Variants in PTPRD observed in about 807,000 individuals in gnomAD.
PTPRD encodes the protein receptor-type tyrosine-protein phosphatase delta.
Under a neutral mutation model 214.5 loss-of-function variants are expected in PTPRD, and 34 were observed. The observed-to-expected ratio is 0.16, with a 90% confidence interval of 0.12 to 0.21. The LOEUF (loss-of-function observed/expected upper bound fraction) is 0.21, where lower values mean the gene tolerates loss of function less well. Among genes scored for constraint, PTPRD ranks in the 10% least tolerant of loss-of-function variants. PTPRD has a pLI of 1.00. For synonymous variants in PTPRD, 1,128 were observed against 845.7 expected (o/e 1.33, Z -5.79); for missense variants, 2,545 against 2,398.7 (o/e 1.06, Z -1.27).
chr9:9,496,884 G>T (rs537387631), intron 8 of PTPRD, among the ~76,000 whole-genome samples: 1 of 152,216 alleles, frequency 6.6e-6, no homozygotes, highest in East Asian at 1.9e-4. Context: ...GTAAAACGTG[G>T]TTTATACATA....
chr9:8,470,943 T>C, intron 31 of PTPRD, 52 bp downstream of exon 31: 2 of 1,510,516 alleles, frequency 1.3e-6, no homozygotes, highest in Non-Finnish European at 1.8e-6. Flanking sequence ...GGGGCGGAAA[T>C]GCAGCAGATT....
intron 2 of PTPRD, among the ~76,000 whole-genome samples, chr9:10,567,266 CAAAATG>C (rs969021718): frequency 2.3e-4 from 35 of 151,746 alleles, no homozygotes; most frequent in Non-Finnish European, 4.4e-5. Flanking sequence ...ACTGTGGTCA[CAAAATG>C]AAAATGAAAT....
chr9:9,740,969 A>AAC (rs1212526422), intron 6 of PTPRD, among the ~76,000 whole-genome samples: 3 of 152,190 alleles, frequency 2.0e-5, no homozygotes, highest in Non-Finnish European at 2.9e-5. Context: ...GATATAACCC[A>AAC]ACATTGGAAA....
At chr9:9,320,506 T>C (rs750881763) in intron 9 of PTPRD, among the ~76,000 whole-genome samples, 1 of 151,698 alleles carries the variant, frequency 6.6e-6, no homozygotes, top group Non-Finnish European at 1.5e-5. Context: ...GATTGGGGAG[T>C]CCTCCTGGTC....
intron 10 of PTPRD, among the ~76,000 whole-genome samples, chr9:9,117,145 G>A (rs1047680460): frequency 6.6e-6 from 1 of 151,720 alleles, no homozygotes; most frequent in African/African-American, 2.4e-5. Flanking sequence ...TGAGCTTGTT[G>A]AATTTTTAGC....
At chr9:9,349,353 A>G (rs1476545780) in intron 9 of PTPRD, among the ~76,000 whole-genome samples, 1 of 152,028 alleles carries the variant, frequency 6.6e-6, no homozygotes, top group African/African-American at 2.4e-5. Flanking sequence ...CCACACCTCC[A>G]ACCCCCATCT....
intron 11 of PTPRD, among the ~76,000 whole-genome samples, chr9:8,868,398 G>C (rs1053841052): frequency 6.6e-6 from 1 of 151,980 alleles, no homozygotes; most frequent in Non-Finnish European, 1.5e-5. Context: ...AGAAGGGGGT[G>C]TCACTATGTT....
intron 10 of PTPRD, among the ~76,000 whole-genome samples, chr9:9,127,635 A>T (rs955653845): frequency 6.6e-6 from 1 of 152,328 alleles, no homozygotes; most frequent in Middle Eastern, 3.4e-3. Context: ...TCTATACCAC[A>T]TTCAGATATA....
intron 9 of PTPRD, among the ~76,000 whole-genome samples, chr9:9,323,397 A>G (rs2136110868): frequency 6.6e-6 from 1 of 152,216 alleles, no homozygotes; most frequent in African/African-American, 2.4e-5. Flanking sequence ...AATTATCCTA[A>G]CCTTAAGGTT....
intron 11 of PTPRD, among the ~76,000 whole-genome samples, chr9:8,751,072 A>G (rs1180739546): frequency 1.3e-5 from 2 of 152,148 alleles, no homozygotes; most frequent in Non-Finnish European, 2.9e-5. Context: ...CAGTGATCCT[A>G]TGGCAGTCTC....
chr9:10,307,373 T>C (rs989957397), intron 3 of PTPRD, among the ~76,000 whole-genome samples: 4 of 152,082 alleles, frequency 2.6e-5, no homozygotes, highest in Admixed American at 2.0e-4. Context: ...ATGACCCACA[T>C]TTCCATCCAT....
At chr9:10,215,938 G>A (rs146671556) in intron 3 of PTPRD, among the ~76,000 whole-genome samples, 1 of 151,886 alleles carries the variant, frequency 6.6e-6, no homozygotes, top group South Asian at 2.1e-4. Flanking sequence ...ATAAATCAGA[G>A]GACAGACCTT....
At chr9:9,821,824 C>A (rs1478876232) in intron 5 of PTPRD, among the ~76,000 whole-genome samples, 1 of 151,566 alleles carries the variant, frequency 6.6e-6, no homozygotes, top group East Asian at 1.9e-4. Flanking sequence ...ATGCTTACAA[C>A]TTTTCACTTA....
At chr9:10,007,175 G>A (rs750294241) in intron 4 of PTPRD, among the ~76,000 whole-genome samples, 1 of 151,868 alleles carries the variant, frequency 6.6e-6, no homozygotes, top group Non-Finnish European at 1.5e-5. Context: ...TTCAAATGTA[G>A]GTGTTTATCT....
At chr9:8,956,424 A>G (rs2099132000) in intron 11 of PTPRD, among the ~76,000 whole-genome samples, 1 of 151,930 alleles carries the variant, frequency 6.6e-6, no homozygotes, top group African/African-American at 2.4e-5. Flanking sequence ...AAACAAATGA[A>G]GACATAATCT....
At chr9:8,357,912 A>G (rs1197350817) in intron 39 of PTPRD, among the ~76,000 whole-genome samples, 1 of 152,214 alleles carries the variant, frequency 6.6e-6, no homozygotes, top group African/African-American at 2.4e-5. Context: ...AATCTGGTCA[A>G]TAGCCTACTC....
intron 3 of PTPRD, among the ~76,000 whole-genome samples, chr9:10,069,017 A>G (rs1418127451): frequency 1.3e-5 from 2 of 151,984 alleles, no homozygotes; most frequent in African/African-American, 2.4e-5. Context: ...CTTCAGCAAA[A>G]TTAGTTCTTT....
intron 9 of PTPRD, among the ~76,000 whole-genome samples, chr9:9,326,918 T>C (rs949109985): frequency 2.6e-5 from 4 of 152,186 alleles, no homozygotes; most frequent in African/African-American, 7.2e-5. Context: ...TAATTACCTA[T>C]GTATCAAAGC....
intron 7 of PTPRD, among the ~76,000 whole-genome samples, chr9:9,630,946 A>C (rs1311955738): frequency 1.3e-5 from 2 of 152,162 alleles, no homozygotes; most frequent in Non-Finnish European, 1.5e-5. Context: ...AAAGGATAAA[A>C]TACAGGAATA....
Sources: allele counts gnomAD v4.1 joint callset (sites outside exome capture counted in the v4.1 genomes callset), GRCh38; gene constraint gnomAD v4.1.1; transcripts MANE v1.5; gene names NCBI Gene and HGNC (gene_info 2026-07-23, HGNC 2026-07-21).